ARMH3: variants seen among roughly 807,000 people sequenced by gnomAD.
The protein encoded by ARMH3 is armadillo-like helical domain-containing protein 3.
Under a neutral mutation model 99.1 loss-of-function variants are expected in ARMH3, and 60 were observed. That is an observed-to-expected ratio of 0.61 (90% confidence interval 0.49 to 0.75). ARMH3 has a LOEUF of 0.75. ARMH3 is among the 30% of genes least tolerant of loss of function. ARMH3 has a pLI of 0.00. For missense variants in ARMH3, 679 were observed against 843.1 expected (o/e 0.81, Z 2.41); for synonymous variants, 285 against 292.8 (o/e 0.97, Z 0.27).
At chr10:101,946,071 CAAAAAA>C (rs569179050) in intron 22 of ARMH3, among the ~76,000 whole-genome samples, 68 of 34,426 alleles carry the variant, frequency 2.0e-3, no homozygotes, top group African/African-American at 0.012. Flanking sequence ...GACTCTGCCT[CAAAAAA>C]AAAAAAAAAA....
intron 14 of ARMH3, among the ~76,000 whole-genome samples, chr10:102,005,528 G>A (rs911917089): frequency 5.9e-5 from 9 of 152,044 alleles, no homozygotes; most frequent in East Asian, 1.9e-4. Flanking sequence ...TTACTGCCAC[G>A]GGTGGTATAT....
At chr10:102,037,651 C>A (rs2067309397) in intron 2 of ARMH3, among the ~76,000 whole-genome samples, 1 of 152,088 alleles carries the variant, frequency 6.6e-6, no homozygotes, top group African/African-American at 2.4e-5. Flanking sequence ...TAGCTAGCTG[C>A]TGCCTTGAAC....
intron 4 of ARMH3, among the ~76,000 whole-genome samples, chr10:102,030,942 C>T (rs1041671649): frequency 2.0e-5 from 3 of 151,904 alleles, no homozygotes; most frequent in East Asian, 3.9e-4. Context: ...TGCACCACCA[C>T]GCCTGGCTAA....
chr10:101,861,360 A>C (rs1360500933), intron 24 of ARMH3, among the ~76,000 whole-genome samples: 1 of 152,236 alleles, frequency 6.6e-6, no homozygotes, highest in Non-Finnish European at 1.5e-5. Context: ...CATCATTCAG[A>C]AATGAGAGTA....
At chr10:101,932,522 T>A (rs145216832) in intron 23 of ARMH3, among the ~76,000 whole-genome samples, 1 of 152,206 alleles carries the variant, frequency 6.6e-6, no homozygotes, top group East Asian at 1.9e-4. Flanking sequence ...CAAGTGTCCG[T>A]TGACACGAAA....
chr10:101,898,198 T>G (rs2067887091), intron 23 of ARMH3, among the ~76,000 whole-genome samples: 1 of 151,600 alleles, frequency 6.6e-6, no homozygotes, highest in Non-Finnish European at 1.5e-5. Context: ...TTTTTTTTTT[T>G]TAAAATTAGC....
At chr10:101,925,809 G>C (rs546570664) in intron 23 of ARMH3, among the ~76,000 whole-genome samples, 123 of 152,276 alleles carry the variant, frequency 8.1e-4, no homozygotes, top group African/African-American at 2.9e-3. Flanking sequence ...ACCCAGGGAG[G>C]CTGAGGCAGG....
intron 20 of ARMH3, among the ~76,000 whole-genome samples, chr10:101,968,462 G>T (rs377456736): frequency 2.0e-5 from 3 of 152,180 alleles, no homozygotes; most frequent in East Asian, 3.8e-4. Flanking sequence ...GATACCTTAT[G>T]AAACCACATG....
At chr10:101,873,526 G>A (rs1289775472) in intron 24 of ARMH3, among the ~76,000 whole-genome samples, 1 of 152,076 alleles carries the variant, frequency 6.6e-6, no homozygotes, top group Non-Finnish European at 1.5e-5. Context: ...CGCTTAAAGT[G>A]TACAATTCAA....
At chr10:101,865,727 G>T (rs767139079) in intron 24 of ARMH3, among the ~76,000 whole-genome samples, 5 of 151,314 alleles carry the variant, frequency 3.3e-5, no homozygotes, top group Non-Finnish European at 7.4e-5. Flanking sequence ...GACCTCAGAT[G>T]ATCCGCCCAC....
At chr10:101,909,049 C>T (rs555133100) in intron 23 of ARMH3, among the ~76,000 whole-genome samples, 9 of 152,028 alleles carry the variant, frequency 5.9e-5, no homozygotes, top group Non-Finnish European at 1.2e-4. Flanking sequence ...AGTGAAGGCA[C>T]ACTATGGACA....
intron 24 of ARMH3, among the ~76,000 whole-genome samples, chr10:101,865,684 T>TC (rs1240688555): frequency 6.6e-6 from 1 of 151,856 alleles, no homozygotes; most frequent in African/African-American, 2.4e-5. Flanking sequence ...AGATGGGGTT[T>TC]CCCCATGCTG....
chr10:102,039,977 G>T, intron 2 of ARMH3, 36 bp downstream of exon 2: 1 of 1,557,164 alleles, frequency 6.4e-7, no homozygotes, highest in South Asian at 1.1e-5. Flanking sequence ...AGAAACTAAA[G>T]ACTCAAGCTG....
chr10:101,938,889 C>A (rs769059933), intron 23 of ARMH3, among the ~76,000 whole-genome samples: 3 of 152,200 alleles, frequency 2.0e-5, no homozygotes, highest in Non-Finnish European at 2.9e-5. Flanking sequence ...TCCCTCATCC[C>A]AGCCCTCTTA....
At chr10:101,880,958 CAGG>C (rs2067400726) in intron 24 of ARMH3, among the ~76,000 whole-genome samples, 1 of 152,084 alleles carries the variant, frequency 6.6e-6, no homozygotes, top group South Asian at 2.1e-4. Context: ...CTCTTAGGAT[CAGG>C]AGAAGACAAA....
At chr10:101,990,511 T>C (rs1590144838) in intron 19 of ARMH3, 40 bp downstream of exon 19, 1 of 1,436,374 alleles carries the variant, frequency 7.0e-7, no homozygotes, top group Non-Finnish European at 9.7e-7. Flanking sequence ...TTCTTTAAAA[T>C]AGATTTGTAC....
intron 24 of ARMH3, among the ~76,000 whole-genome samples, chr10:101,877,680 A>G (rs2067303823): frequency 6.6e-6 from 1 of 152,078 alleles, no homozygotes; most frequent in African/African-American, 2.4e-5. Context: ...ATTTTTTTAA[A>G]GCTGACAATT....
chr10:101,881,445 C>T (rs1326965763), intron 24 of ARMH3, among the ~76,000 whole-genome samples: 4 of 152,006 alleles, frequency 2.6e-5, no homozygotes, highest in Non-Finnish European at 5.9e-5. Context: ...TTCAATTCTG[C>T]AAGATGAAAA....
chr10:101,967,635 G>C (rs554979538), intron 20 of ARMH3, among the ~76,000 whole-genome samples: 7 of 152,308 alleles, frequency 4.6e-5, no homozygotes, highest in Admixed American at 3.3e-4. Context: ...TACTCGGGAG[G>C]CTGAGGCAGG....
Sources: gnomAD v4.1 joint callset for allele counts (sites outside exome capture counted in the v4.1 genomes callset) on GRCh38, gnomAD v4.1.1 for gene constraint, MANE v1.5 for transcripts, NCBI Gene and HGNC (gene_info 2026-07-23, HGNC 2026-07-21) for gene names.